The following ZFX variants were observed in gnomAD, a reference collection of about 807,000 sequenced individuals.
The protein encoded by ZFX is zinc finger X-chromosomal protein.
For synonymous variants in ZFX, 196 were observed against 226.8 expected, an observed-to-expected ratio of 0.86 and a Z score of 1.22; for missense variants, 362 against 628.3, an observed-to-expected ratio of 0.58 and a Z score of 4.53.
intron 3 of ZFX, among the ~76,000 whole-genome samples, chrX:24,155,069 C>A (rs5949233): frequency 5.1e-3 from 561 of 110,609 alleles, no homozygotes; most frequent in Non-Finnish European, 7.9e-3. Flanking sequence ...GTACAATAAA[C>A]CCCCGTGACA....
chrX:24,184,862 C>T (rs1935976480), intron 5 of ZFX, among the ~76,000 whole-genome samples: 1 of 111,982 alleles, frequency 8.9e-6, no homozygotes, highest in African/African-American at 3.2e-5. Context: ...TTTGCGTGCA[C>T]ACATGTGCTA....
intron 5 of ZFX, among the ~76,000 whole-genome samples, chrX:24,187,912 G>A (rs758200857): frequency 3.6e-5 from 4 of 111,554 alleles, no homozygotes; most frequent in African/African-American, 1.3e-4. Flanking sequence ...GGTGACTCAC[G>A]CCTGCAATCC....
rs1186934932 is a variant in ZFX at position 24,213,791 on chromosome X, CTTAA to C, written c.*2418_*2421del. 3 of 108,857 alleles carry C rather than the reference CTTAA, an allele frequency of 2.8e-5. No homozygotes were observed. Among genetic ancestry groups the C allele is most frequent in the South Asian group, 4.0e-4 (1 of 2,523 alleles). 9.0% of individuals were successfully genotyped at this position (108,857 alleles called of 1,213,427 possible). A position where few individuals can be genotyped will look rare whatever the true frequency, so the allele number is the denominator to read the frequency against. ...TTTTGTGAGAACCTTTAAAATCTCC[CTTAA>C]TTTTTATTTTCCCAGAAATAATGTA... is the stretch of plus-strand genomic sequence containing the variant. On this transcript the variant is annotated 3_prime_UTR_variant, in exon 10 of 10. Transcript: ENST00000304543.
intron 1 of ZFX, among the ~76,000 whole-genome samples, chrX:24,150,333 G>GGGC (rs1931900371): frequency 9.2e-6 from 1 of 108,978 alleles, no homozygotes; most frequent in African/African-American, 3.3e-5. Context: ...GTGGGAGAGC[G>GGGC]GGCGGCGGCG....
intron 1 of ZFX, chrX:24,150,896 A>T (rs1242226239): frequency 8.9e-6 from 1 of 112,482 alleles, no homozygotes; most frequent in Non-Finnish European, 1.9e-5. Context: ...GAGGAATAAA[A>T]TTTTGAATCA....
At chrX:24,175,553 T>G (rs1425387055) in intron 4 of ZFX, 1 of 102,657 alleles carries the variant, frequency 9.7e-6, no homozygotes, top group Non-Finnish European at 2.0e-5. Context: ...TACCCTGATG[T>G]ACTCTCTGAT....
rs1311303869 is a variant in ZFX, at chrX:24,201,905, C to A, written c.647-5421C>A. Among the ~76,000 whole-genome samples the A allele has an allele frequency of 3.3e-4, 37 of 111,975 alleles. No individual in the cohort carries two copies. In the Admixed American group the frequency reaches 3.5e-3, roughly 11 times the overall value. On this transcript the variant is annotated intron_variant, in intron 5 of 9. Coordinates refer to ENST00000304543, the MANE Select transcript of ZFX (RefSeq NM_003410.4). ...TGCAAAGACTTTAACCAGTTGGACT[C>A]TTTAAGCCTTCATATCATTAAGCTT...
Position 24,196,741 on chromosome X carries a change from G to A in ZFX, c.647-10585G>A, listed in dbSNP as rs1273880517. On this transcript the variant is annotated intron_variant, in intron 5 of 9. Transcript: ENST00000304543. Reference sequence around the variant, plus strand: ...GCCTCCTGTGGAGCTGGGACTGCAGGCATGTGCTACCACACCCAGCTAATT... The same window carrying A: ...GCCTCCTGTGGAGCTGGGACTGCAGACATGTGCTACCACACCCAGCTAATT... 5.4e-5 allele frequency among the ~76,000 whole-genome samples: 6 copies of A among 111,183 alleles called. No homozygotes were observed. The East Asian group carries it at 1.4e-3, about 26-fold the overall frequency.
intron 5 of ZFX, among the ~76,000 whole-genome samples, chrX:24,199,639 C>T (rs1010376295): frequency 4.5e-5 from 5 of 111,084 alleles, no homozygotes; most frequent in Admixed American, 9.6e-5. Context: ...TTTGCTTAGC[C>T]GGGCACGGTG....
intron 3 of ZFX, 104 bp from the exon 4 acceptor site, chrX:24,172,606 TTTATC>T: frequency 1.9e-6 from 1 of 533,305 alleles, no homozygotes; most frequent in East Asian, 4.1e-5. Context: ...TTGATACACA[TTTATC>T]TTTCACATAA....
intron 4 of ZFX, among the ~76,000 whole-genome samples, chrX:24,174,311 G>A (rs1189086098): frequency 9.0e-6 from 1 of 111,360 alleles, no homozygotes; most frequent in African/African-American, 3.3e-5. Context: ...TTTTCCATTG[G>A]ACTGTAAATG....
intron 1 of ZFX, among the ~76,000 whole-genome samples, chrX:24,150,318 G>T (rs1360978653): frequency 1.8e-5 from 2 of 108,397 alleles, no homozygotes; most frequent in Admixed American, 9.5e-5. Flanking sequence ...AGCCCGTGAG[G>T]GGGGGTGGGA....
In ZFX at chrX:24,210,695, G is replaced by A. The variant is rs747650106; in HGVS notation, c.1737G>A (p.Gln579=). ...CTGGGGAGAAGCCGTACCAATGCCA[G>A]TACTGCGAATATAGGTCTGCAGACT... ...IHTGEKPYQC[Q]YCEYRSADSS... The change falls in exon 10 of 10, where the codon CAG becomes CAA. Residue 579 remains glutamine, a synonymous_variant. Transcript: ENST00000304543. 1.2e-5 allele frequency: 14 copies of A among 1,211,699 alleles called. No homozygotes were observed. The highest frequency in any genetic ancestry group is 8.8e-5 in the South Asian group (5 of 56,954).
rs1938155982 is a variant in ZFX, at chrX:24,212,396, A to C, written c.*1020A>C. The stretch of plus-strand genomic sequence containing the variant: ...TGCATGAGAGAGCATTTTGTAAGTC[A>C]TGCTCTTCAGAGAGACTACTCAGGT... On this transcript the variant is annotated 3_prime_UTR_variant, in exon 10 of 10. Transcript: ENST00000304543. 1 of 112,442 alleles carries C rather than the reference A, an allele frequency of 8.9e-6. No individual in the cohort carries two copies. 9.3% of individuals were successfully genotyped at this position (112,442 alleles called of 1,213,427 possible).
intron 3 of ZFX, among the ~76,000 whole-genome samples, chrX:24,159,606 C>A (rs945172848): frequency 1.3e-4 from 14 of 110,807 alleles, no homozygotes; most frequent in Admixed American, 1.9e-4. Flanking sequence ...TCCTGAGTAG[C>A]TGGATTACAG....
rs183214238 is a variant in ZFX, at chrX:24,162,441, A to G, written c.-29+9611A>G. Among the ~76,000 whole-genome samples the G allele has an allele frequency of 5.3e-5, 6 of 112,331 alleles. No homozygotes were observed. The East Asian group carries it at 1.7e-3, about 31-fold the overall frequency. On this transcript the variant is annotated intron_variant, in intron 3 of 9. Coordinates refer to ENST00000304543, the MANE Select transcript of ZFX (RefSeq NM_003410.4). ...ATGCAAATAAGTTTAATTTCCTTCA[A>G]GTAATAATTATATCTTCTATTTCAT... is the stretch of plus-strand genomic sequence containing the variant.
intron 5 of ZFX, among the ~76,000 whole-genome samples, chrX:24,200,955 CTCT>C (rs1296923406): frequency 8.9e-6 from 1 of 112,469 alleles, no homozygotes; most frequent in African/African-American, 3.2e-5. Context: ...AGAAATTATG[CTCT>C]TCTATTTTGG....
chrX:24,150,596 T>G (rs967819833), intron 1 of ZFX: 3 of 113,265 alleles, frequency 2.6e-5, no homozygotes, highest in Non-Finnish European at 5.6e-5. Flanking sequence ...CGTTTCACCC[T>G]CAGCGCCCCT....
At chrX:24,209,111 C>T in intron 9 of ZFX, 71 bp downstream of exon 9, 2 of 1,198,257 alleles carry the variant, frequency 1.7e-6, no homozygotes, top group Non-Finnish European at 2.3e-6. Context: ...TATGTATCCA[C>T]AGGGGTGTCA....
Sources: gnomAD v4.1 joint callset for allele counts (sites outside exome capture counted in the v4.1 genomes callset) on GRCh38, gnomAD v4.1.1 for gene constraint, MANE v1.5 for transcripts, NCBI Gene and HGNC (gene_info 2026-07-23, HGNC 2026-07-21) for gene names.